The following KLRD1 variants were observed in gnomAD, a reference collection of about 807,000 sequenced individuals.
KLRD1 encodes killer cell lectin like receptor D1.
Under a neutral mutation model 22.6 loss-of-function variants are expected in KLRD1, and 21 were observed. The ratio of observed to expected loss-of-function variants is 0.93; its 90% CI spans 0.66 to 1.34. The LOEUF (loss-of-function observed/expected upper bound fraction) is 1.34. Ranked by LOEUF, KLRD1 falls within the 40% of genes most tolerant of loss-of-function variation. The pLI is 0.00. For missense variants in KLRD1, 183 were observed against 208.6 expected, an observed-to-expected ratio of 0.88 and a Z score of 0.76; for synonymous variants, 59 against 71.1, an observed-to-expected ratio of 0.83 and a Z score of 0.85.
rs1478614949 is a variant in KLRD1 at position 10,322,237 on chromosome 12, A to T, written c.*7444A>T. 6.6e-6 allele frequency: 1 copy of T among 152,108 alleles called. No individual in the cohort carries two copies. Among genetic ancestry groups the T allele is most frequent in the Admixed American group, 6.6e-5 (1 of 15,246 alleles). The allele number at this position is 152,108 out of a possible 1,614,324, so 9.4% of individuals were successfully genotyped here. A position where few individuals can be genotyped will look rare whatever the true frequency, so the allele number is the denominator to read the frequency against. On this transcript the variant is annotated 3_prime_UTR_variant, in exon 6 of 6. Transcript: ENST00000336164. ...AATTTTTGTATTTTCAGTAGACATGAGGTTTTGCCATGTTGGCCAGGCTGG... is the reference window on the plus strand; with the variant it reads ...AATTTTTGTATTTTCAGTAGACATGTGGTTTTGCCATGTTGGCCAGGCTGG...
intron 1 of KLRD1, 26 bp from the exon 2 acceptor site, chr12:10,309,362 A>AT (rs1414536791): frequency 9.4e-7 from 1 of 1,061,622 alleles, no homozygotes; most frequent in East Asian, 2.4e-5. Flanking sequence ...TCTTTAAGTC[A>AT]TTACTCTGTC....
intron 1 of KLRD1, among the ~76,000 whole-genome samples, chr12:10,271,668 A>AAAAAGATT (rs1435015895): frequency 1.3e-5 from 2 of 152,220 alleles, no homozygotes; most frequent in Non-Finnish European, 2.9e-5. Context: ...GAAAACTCTA[A>AAAAAGATT]AAAAGATTAA....
At chr12:10,314,069 T>C (rs749647121) in intron 5 of KLRD1, among the ~76,000 whole-genome samples, 2 of 152,180 alleles carry the variant, frequency 1.3e-5, no homozygotes, top group Non-Finnish European at 2.9e-5. Context: ...TTTAGTGTAT[T>C]CGTGGCCATA....
chr12:10,254,446 A>AC (rs1949374782), intron 1 of KLRD1, among the ~76,000 whole-genome samples: 1 of 151,340 alleles, frequency 6.6e-6, no homozygotes, highest in Non-Finnish European at 1.5e-5. Flanking sequence ...AAAAAAAAAA[A>AC]AAAAAACCTA....
At chr12:10,293,731 G>A (rs1168699221) in intron 1 of KLRD1, among the ~76,000 whole-genome samples, 1 of 152,136 alleles carries the variant, frequency 6.6e-6, no homozygotes, top group Non-Finnish European at 1.5e-5. Flanking sequence ...GCTAGAGGTA[G>A]GGTTGCCACA....
intron 1 of KLRD1, among the ~76,000 whole-genome samples, chr12:10,252,819 C>T (rs1016296662): frequency 6.6e-6 from 1 of 151,960 alleles, no homozygotes; most frequent in African/African-American, 2.4e-5. Context: ...GTAAAACTAT[C>T]GCAGCTGTGT....
chr12:10,306,803 T>G (rs1314654636), upstream of KLRD1, among the ~76,000 whole-genome samples: 2 of 152,240 alleles, frequency 1.3e-5, no homozygotes, highest in Non-Finnish European at 2.9e-5. Flanking sequence ...CAATGCAAAC[T>G]GAAAAGATGG....
At chr12:10,313,230 C>G (rs1014092289) in intron 4 of KLRD1, among the ~76,000 whole-genome samples, 180 bp from the exon 5 acceptor site, 7 of 152,020 alleles carry the variant, frequency 4.6e-5, no homozygotes, top group African/African-American at 1.5e-4. Context: ...TATGAATGGG[C>G]CTGATAAATG....
At chr12:10,300,973 TAA>T (rs1443803665), upstream of KLRD1, among the ~76,000 whole-genome samples, 1 of 152,214 alleles carries the variant, frequency 6.6e-6, no homozygotes, top group African/African-American at 2.4e-5. Context: ...TTCATAGAAT[TAA>T]AAAGAGTTAG....
chr12:10,286,599 G>A (rs974276229), intron 1 of KLRD1, among the ~76,000 whole-genome samples: 1 of 141,466 alleles, frequency 7.1e-6, no homozygotes, highest in Non-Finnish European at 1.5e-5. Context: ...GATAAGGATT[G>A]ATTAGAAATT....
intron 1 of KLRD1, among the ~76,000 whole-genome samples, chr12:10,245,299 A>G (rs1462134302): frequency 2.0e-5 from 3 of 152,154 alleles, no homozygotes; most frequent in Non-Finnish European, 4.4e-5. Context: ...TGGAGGTTGC[A>G]ATGAGCCAAG....
At chr12:10,259,048 C>T (rs2537799) in intron 1 of KLRD1, among the ~76,000 whole-genome samples, 148,841 of 152,250 alleles carry the variant, frequency 0.98, 72,839 homozygotes, top group East Asian at 1. Flanking sequence ...ACTGTGATTC[C>T]GAGGTACCTG....
rs567959665 is a variant in KLRD1 at position 10,327,316 on chromosome 12, T to C, written c.*12523T>C. ...TGTAGCTTTGTAATATATTTTGATA[T>C]CAGGAAGTTTGAGGCCTCTGGCCTT... On this transcript the variant is annotated 3_prime_UTR_variant, in exon 6 of 6. Transcript: ENST00000336164. The C allele has an allele frequency of 2.0e-5, 3 of 152,320 alleles. No homozygotes were observed. The highest frequency in any genetic ancestry group is 7.2e-5 in the African/African-American group (3 of 41,582). 9.4% of individuals were successfully genotyped at this position (152,320 alleles called of 1,614,324 possible).
At chr12:10,258,841 A>C (rs1949423103) in intron 1 of KLRD1, among the ~76,000 whole-genome samples, 1 of 152,212 alleles carries the variant, frequency 6.6e-6, no homozygotes, top group South Asian at 2.1e-4. Flanking sequence ...CATTAGAAAA[A>C]GAGGTTGAAA....
chr12:10,262,576 C>A (rs896463790), intron 1 of KLRD1, among the ~76,000 whole-genome samples: 3 of 152,020 alleles, frequency 2.0e-5, no homozygotes, highest in Admixed American at 6.6e-5. Flanking sequence ...TAGATTTAAA[C>A]AGCTTATGTG....
At chr12:10,264,587 T>A (rs1639160489) in intron 1 of KLRD1, among the ~76,000 whole-genome samples, 1 of 152,080 alleles carries the variant, frequency 6.6e-6, no homozygotes, top group South Asian at 2.1e-4. Flanking sequence ...ATTGTGTATA[T>A]TTAGGGTGTA....
chr12:10,251,122 T>G lies in KLRD1; in HGVS notation c.-101+24889T>G, dbSNP rs1008904614. 2.6e-5 allele frequency among the ~76,000 whole-genome samples: 4 copies of G among 152,224 alleles called. No homozygotes were observed. In the East Asian group the frequency reaches 5.8e-4, roughly 22 times the overall value. ...GTTTGGGACAGTGAGTGATTATTTG[T>G]TATTATACTATTTTCTTTTTGAGAT... On this transcript the variant is annotated intron_variant, in intron 1 of 5. Coordinates refer to the KLRD1 transcript ENST00000544747.
intron 1 of KLRD1, among the ~76,000 whole-genome samples, chr12:10,240,952 T>G (rs989516590): frequency 6.6e-6 from 1 of 151,978 alleles, no homozygotes; most frequent in African/African-American, 2.4e-5. Context: ...TAGTTCAACA[T>G]CTTCTTCTTT....
At chr12:10,302,885 C>G (rs1949878895), upstream of KLRD1, among the ~76,000 whole-genome samples, 1 of 152,132 alleles carries the variant, frequency 6.6e-6, no homozygotes, top group African/African-American at 2.4e-5. Context: ...GAAACTACAC[C>G]TACACTTTAG....
Sources: allele counts gnomAD v4.1 joint callset (sites outside exome capture counted in the v4.1 genomes callset), GRCh38; gene constraint gnomAD v4.1.1; transcripts MANE v1.5; gene names NCBI Gene and HGNC (gene_info 2026-07-23, HGNC 2026-07-21).